LINGO2: variants seen among roughly 807,000 people sequenced by gnomAD.
LINGO2 encodes the protein leucine rich repeat and Ig domain containing 2.
Under a neutral mutation model 30.6 loss-of-function variants are expected in LINGO2, and 14 were observed. The observed-to-expected ratio is 0.46, with a 90% CI of 0.30 to 0.72. The LOEUF is 0.72. Among genes scored for constraint, LINGO2 ranks in the 30% least tolerant of loss-of-function variants. The pLI is 0.07. For missense variants in LINGO2, 729 were observed against 751.7 expected (o/e 0.97, Z 0.35); for synonymous variants, 317 against 288.5 (o/e 1.10, Z -1.00).
chr9:28,658,588 A>G (rs944705764), intron 1 of LINGO2, among the ~76,000 whole-genome samples: 1 of 152,088 alleles, frequency 6.6e-6, no homozygotes, highest in African/African-American at 2.4e-5. Context: ...ATATGCATGG[A>G]ATAGCTTTCA....
the LINGO2 span, among the ~76,000 whole-genome samples, chr9:28,796,478 C>T: frequency 6.6e-6 from 1 of 151,942 alleles, no homozygotes; most frequent in South Asian, 2.1e-4. Context: ...CAAGCACAGC[C>T]TATATAAATG....
intron 2 of LINGO2, among the ~76,000 whole-genome samples, chr9:28,434,069 G>A: frequency 6.6e-6 from 1 of 151,438 alleles, no homozygotes; most frequent in Admixed American, 6.6e-5. Flanking sequence ...TGGAGCTGGA[G>A]GCCATTATTC....
the LINGO2 span, among the ~76,000 whole-genome samples, chr9:28,909,061 A>G: frequency 6.6e-6 from 1 of 151,950 alleles, no homozygotes; most frequent in Admixed American, 6.6e-5. Flanking sequence ...GGGCCTGTTT[A>G]GATTATAAGC....
chr9:28,086,174 G>T (rs1294572484), intron 4 of LINGO2, among the ~76,000 whole-genome samples: 1 of 151,964 alleles, frequency 6.6e-6, no homozygotes, highest in African/African-American at 2.4e-5. Context: ...AGCATATATT[G>T]TCTCTTGCCT....
chr9:28,818,296 G>A, the LINGO2 span, among the ~76,000 whole-genome samples: 1 of 152,130 alleles, frequency 6.6e-6, no homozygotes, highest in Non-Finnish European at 1.5e-5. Flanking sequence ...AGTAGCTGAT[G>A]GCTCAAGAAA....
chr9:28,095,973 C>T (rs964472900), intron 4 of LINGO2, among the ~76,000 whole-genome samples: 2 of 152,088 alleles, frequency 1.3e-5, no homozygotes, highest in African/African-American at 2.4e-5. Context: ...GATCCCATCT[C>T]TACAAAAAGA....
At chr9:28,934,346 G>C in the LINGO2 span, among the ~76,000 whole-genome samples, 2 of 152,182 alleles carry the variant, frequency 1.3e-5, no homozygotes, top group African/African-American at 4.8e-5. Flanking sequence ...GAGTCTCTTA[G>C]AAAGAGCCTG....
chr9:28,606,016 T>C (rs183394284), intron 1 of LINGO2, among the ~76,000 whole-genome samples: 183 of 152,130 alleles, frequency 1.2e-3, no homozygotes, highest in Admixed American at 6.2e-3. Flanking sequence ...ATAGTGACAT[T>C]AGAATCTCAT....
At chr9:28,733,908 A>T in the LINGO2 span, among the ~76,000 whole-genome samples, 1 of 152,156 alleles carries the variant, frequency 6.6e-6, no homozygotes, top group Non-Finnish European at 1.5e-5. Context: ...ATCACTAAGT[A>T]GCAGAAACTT....
At chr9:27,957,588 C>T (rs1169474464) in intron 5 of LINGO2, among the ~76,000 whole-genome samples, 6 of 152,148 alleles carry the variant, frequency 3.9e-5, no homozygotes, top group Non-Finnish European at 7.4e-5. Flanking sequence ...CCACCGCACC[C>T]GGCCACTGTA....
At chr9:28,757,512 T>C in the LINGO2 span, among the ~76,000 whole-genome samples, 5 of 151,796 alleles carry the variant, frequency 3.3e-5, no homozygotes, top group Non-Finnish European at 7.4e-5. Flanking sequence ...GCTATTTCCT[T>C]ATCTGTAAAA....
At chr9:28,522,296 A>G (rs1820856034) in intron 1 of LINGO2, among the ~76,000 whole-genome samples, 3 of 152,200 alleles carry the variant, frequency 2.0e-5, no homozygotes, top group Admixed American at 2.0e-4. Flanking sequence ...TGGGCAACAA[A>G]GAAATAAATC....
At chr9:28,579,487 T>C (rs1376344632) in intron 1 of LINGO2, among the ~76,000 whole-genome samples, 1 of 152,046 alleles carries the variant, frequency 6.6e-6, no homozygotes, top group African/African-American at 2.4e-5. Context: ...ATAAAAAACA[T>C]ATAAAAGTCA....
chr9:28,105,273 T>C (rs2133333401), intron 4 of LINGO2, among the ~76,000 whole-genome samples: 1 of 152,290 alleles, frequency 6.6e-6, no homozygotes, highest in Non-Finnish European at 1.5e-5. Context: ...AAATGTGCTC[T>C]CCAGTGAAGC....
At chr9:28,593,337 T>C (rs960960329) in intron 1 of LINGO2, among the ~76,000 whole-genome samples, 21 of 152,238 alleles carry the variant, frequency 1.4e-4, no homozygotes, top group African/African-American at 5.1e-4. Context: ...AAAGGGAGGA[T>C]ACTATTATCC....
the LINGO2 span, among the ~76,000 whole-genome samples, chr9:28,793,276 A>G: frequency 6.6e-6 from 1 of 152,206 alleles, no homozygotes; most frequent in South Asian, 2.1e-4. Context: ...TCTGTATTTT[A>G]ATTGAATACA....
the LINGO2 span, among the ~76,000 whole-genome samples, chr9:29,182,508 A>G: frequency 2.0e-5 from 3 of 152,220 alleles, no homozygotes; most frequent in Middle Eastern, 3.2e-3. Flanking sequence ...GGCTCTTCCC[A>G]GGATGACTAA....
At chr9:28,013,161 G>C (rs1364013889) in intron 4 of LINGO2, among the ~76,000 whole-genome samples, 1 of 152,120 alleles carries the variant, frequency 6.6e-6, no homozygotes, top group Non-Finnish European at 1.5e-5. Context: ...TAACAATCAG[G>C]ATTTTAGGGA....
At chr9:28,074,914 C>A (rs372438026) in intron 4 of LINGO2, among the ~76,000 whole-genome samples, 1 of 151,170 alleles carries the variant, frequency 6.6e-6, no homozygotes, top group East Asian at 1.9e-4. Context: ...TTTTAAAGTA[C>A]ACAATTTAAT....
Sources: gnomAD v4.1 joint callset for allele counts (sites outside exome capture counted in the v4.1 genomes callset) on GRCh38, gnomAD v4.1.1 for gene constraint, MANE v1.5 for transcripts, NCBI Gene and HGNC (gene_info 2026-07-23, HGNC 2026-07-21) for gene names.